MARK1: variants seen among roughly 807,000 people sequenced by gnomAD.
MARK1 encodes microtubule affinity regulating kinase 1, also known as serine/threonine-protein kinase MARK1.
MARK1 carries 40 observed loss-of-function variants against 96.3 expected under a neutral mutation model. That is an observed-to-expected ratio of 0.42 (90% CI 0.32 to 0.54). The LOEUF (loss-of-function observed/expected upper bound fraction) is 0.54. MARK1 is among the 20% of genes least tolerant of loss of function. The pLI, the probability that MARK1 is intolerant of heterozygous loss-of-function variation, is 0.16. For missense variants in MARK1, 719 were observed against 984.6 expected, an observed-to-expected ratio of 0.73 and a Z score of 3.61; for synonymous variants, 317 against 341.2, an observed-to-expected ratio of 0.93 and a Z score of 0.78.
At chr1:220,613,479 G>C (rs1666569704) in intron 6 of MARK1, among the ~76,000 whole-genome samples, 3 of 152,110 alleles carry the variant, frequency 2.0e-5, no homozygotes, top group Non-Finnish European at 2.9e-5. Context: ...CATGGCCTCT[G>C]ATCATGTTTG....
chr1:220,623,542 G>A (rs1390590870), intron 9 of MARK1, among the ~76,000 whole-genome samples: 1 of 151,976 alleles, frequency 6.6e-6, no homozygotes, highest in East Asian at 1.9e-4. Flanking sequence ...AAACTCCTTA[G>A]TAGACTCTTG....
At chr1:220,574,250 G>A (rs1460358487) in intron 1 of MARK1, among the ~76,000 whole-genome samples, 4 of 152,218 alleles carry the variant, frequency 2.6e-5, no homozygotes, top group African/African-American at 7.2e-5. Context: ...AATTCAGCCT[G>A]CGTTGTGGTG....
intron 13 of MARK1, among the ~76,000 whole-genome samples, chr1:220,639,671 C>A (rs1048268810): frequency 6.6e-6 from 1 of 152,172 alleles, no homozygotes; most frequent in Non-Finnish European, 1.5e-5. Flanking sequence ...CACAGTCACC[C>A]TTGGTCTGTG....
At chr1:220,540,795 CT>C (rs1661086936) in intron 1 of MARK1, among the ~76,000 whole-genome samples, 1 of 151,410 alleles carries the variant, frequency 6.6e-6, no homozygotes, top group Non-Finnish European at 1.5e-5. Context: ...TGATTTTTTT[CT>C]GTTGTTTTTG....
At chr1:220,595,255 A>G (rs1339486942) in intron 3 of MARK1, among the ~76,000 whole-genome samples, 1 of 152,202 alleles carries the variant, frequency 6.6e-6, no homozygotes, top group Non-Finnish European at 1.5e-5. Flanking sequence ...TGCTACTTTG[A>G]CTTTTCCTGG....
intron 6 of MARK1, among the ~76,000 whole-genome samples, chr1:220,612,912 G>T (rs576894078): frequency 6.6e-6 from 1 of 151,674 alleles, no homozygotes; most frequent in Non-Finnish European, 1.5e-5. Flanking sequence ...CTTAAGACTT[G>T]AGCCTACAGA....
intron 1 of MARK1, among the ~76,000 whole-genome samples, chr1:220,566,706 T>A (rs918446008): frequency 3.3e-5 from 5 of 152,196 alleles, no homozygotes; most frequent in African/African-American, 9.7e-5. Context: ...AGTTAGCCTT[T>A]GGTGAACAAA....
At chr1:220,614,935 T>C (rs922951910) in intron 6 of MARK1, among the ~76,000 whole-genome samples, 2 of 152,182 alleles carry the variant, frequency 1.3e-5, no homozygotes, top group African/African-American at 4.8e-5. Flanking sequence ...ATGGTCATAC[T>C]TCACATCACC....
chr1:220,655,800 C>T (rs1471240062), intron 16 of MARK1, among the ~76,000 whole-genome samples: 1 of 152,186 alleles, frequency 6.6e-6, no homozygotes, highest in African/African-American at 2.4e-5. Flanking sequence ...TCACCTTGCT[C>T]AGAATACAAT....
chr1:220,549,555 C>CT (rs916593673), intron 1 of MARK1, among the ~76,000 whole-genome samples: 1 of 152,168 alleles, frequency 6.6e-6, no homozygotes, highest in Non-Finnish European at 1.5e-5. Flanking sequence ...AACATGAGGT[C>CT]TTTCTGTTTT....
At chr1:220,591,812 A>G (rs954771202) in intron 3 of MARK1, among the ~76,000 whole-genome samples, 1 of 152,108 alleles carries the variant, frequency 6.6e-6, no homozygotes, top group Non-Finnish European at 1.5e-5. Flanking sequence ...TGTACAGATC[A>G]CACTCATAAG....
intron 1 of MARK1, among the ~76,000 whole-genome samples, chr1:220,553,686 T>G (rs556039724): frequency 6.6e-6 from 1 of 152,268 alleles, no homozygotes; most frequent in South Asian, 2.1e-4. Flanking sequence ...TGGCCTATGG[T>G]CAATTGCTCA....
chr1:220,649,514 C>G (rs1035572462), intron 13 of MARK1, among the ~76,000 whole-genome samples: 3 of 152,146 alleles, frequency 2.0e-5, no homozygotes, highest in African/African-American at 7.2e-5. Context: ...GAGGCATGAG[C>G]CATCACAATT....
intron 13 of MARK1, 40 bp from the exon 14 acceptor site, chr1:220,650,580 T>C: frequency 1.5e-6 from 2 of 1,305,914 alleles, no homozygotes; most frequent in Non-Finnish European, 2.2e-6. Flanking sequence ...TCCACAAATA[T>C]ATTTATAATT....
intron 1 of MARK1, among the ~76,000 whole-genome samples, chr1:220,543,056 T>TA (rs1313783671): frequency 6.6e-6 from 1 of 152,216 alleles, no homozygotes; most frequent in Admixed American, 6.5e-5. Flanking sequence ...AATCATTTGT[T>TA]ACAATTGTTA....
intron 11 of MARK1, 127 bp from the exon 12 acceptor site, chr1:220,635,249 T>A: frequency 1.1e-6 from 1 of 900,252 alleles, no homozygotes; most frequent in Non-Finnish European, 1.6e-6. Flanking sequence ...AATACTACAC[T>A]GTTTTTTCAG....
intron 13 of MARK1, among the ~76,000 whole-genome samples, chr1:220,643,887 C>G (rs543777858): frequency 6.6e-6 from 1 of 152,278 alleles, no homozygotes; most frequent in African/African-American, 2.4e-5. Flanking sequence ...TTGCCACCAC[C>G]AGGCCTGCCT....
At chr1:220,603,944 T>G (rs1665909904) in intron 5 of MARK1, 123 bp from the exon 6 acceptor site, 2 of 531,062 alleles carry the variant, frequency 3.8e-6, no homozygotes, top group African/African-American at 3.9e-5. Flanking sequence ...GTAACTTACA[T>G]AAACTAGCAG....
At chr1:220,532,840 C>T (rs969908628) in intron 1 of MARK1, among the ~76,000 whole-genome samples, 2 of 151,730 alleles carry the variant, frequency 1.3e-5, no homozygotes, top group Admixed American at 1.3e-4. Flanking sequence ...ACCCTGTCTC[C>T]ACTAAAAATA....
Sources: gnomAD v4.1 joint callset for allele counts (sites outside exome capture counted in the v4.1 genomes callset) on GRCh38, gnomAD v4.1.1 for gene constraint, MANE v1.5 for transcripts, NCBI Gene and HGNC (gene_info 2026-07-23, HGNC 2026-07-21) for gene names.